Variants in SLC1A2 observed in about 807,000 individuals in gnomAD.
SLC1A2 encodes solute carrier family 1 member 2.
In SLC1A2, 15 loss-of-function variants were observed where a neutral mutation model predicts 48.8. The observed-to-expected ratio is 0.31, with a 90% CI of 0.21 to 0.47. SLC1A2 has a LOEUF of 0.47. Among genes scored for constraint, SLC1A2 ranks in the 20% least tolerant of loss-of-function variants. The probability of loss-of-function intolerance (pLI) is 0.99; values close to 1 mark genes in which losing one functional copy is unlikely to be tolerated. For synonymous variants in SLC1A2, 279 were observed against 272.6 expected (o/e 1.02, Z -0.23); for missense variants, 502 against 730.5 (o/e 0.69, Z 3.61).
chr11:35,313,616 A>T (rs193158129), intron 3 of SLC1A2, among the ~76,000 whole-genome samples: 2 of 152,262 alleles, frequency 1.3e-5, no homozygotes, highest in Admixed American at 1.3e-4. Context: ...CGTGTGACCT[A>T]CTTCTCTTTA....
In SLC1A2 at chr11:35,266,333, G is replaced by A. The variant is rs191776018; in HGVS notation, c.1422-575C>T. On this transcript the variant is annotated intron_variant, in intron 9 of 10. Coordinates refer to ENST00000278379, the MANE Select transcript of SLC1A2 (RefSeq NM_004171.4). ...CCTGCTTCCCTCACACACAGACGCA[G>A]CTGTTAGATAAGAAATCCAGCCATA... Among the ~76,000 whole-genome samples the A allele has an allele frequency of 2.5e-3, 384 of 152,234 alleles. 2 individuals carry two copies. Among genetic ancestry groups the A allele is most frequent in the African/African-American group, 8.6e-3 (359 of 41,534 alleles).
chr11:35,272,774 G>A (rs187650049), intron 9 of SLC1A2, among the ~76,000 whole-genome samples: 132 of 152,302 alleles, frequency 8.7e-4, no homozygotes, highest in African/African-American at 2.6e-3. Context: ...GCAAGAAGGG[G>A]ATGAAGATGA....
At chr11:35,285,426 A>G (rs1379347877) in intron 8 of SLC1A2, 1 of 152,244 alleles carries the variant, frequency 6.6e-6, no homozygotes, top group Non-Finnish European at 1.5e-5. Flanking sequence ...ATGGAGGATG[A>G]AAGTGTATTC....
intron 1 of SLC1A2, chr11:35,404,289 A>T (rs552616648): frequency 3.3e-5 from 5 of 152,212 alleles, no homozygotes; most frequent in Non-Finnish European, 7.3e-5. Flanking sequence ...ACATTTTTCA[A>T]TAACCCAGAA....
intron 1 of SLC1A2, among the ~76,000 whole-genome samples, chr11:35,408,090 C>A (rs1855354371): frequency 6.6e-6 from 1 of 152,162 alleles, no homozygotes; most frequent in Non-Finnish European, 1.5e-5. Flanking sequence ...ACTTACCTCG[C>A]CCCCATTTGC....
chr11:35,301,706 C>T lies in SLC1A2; in HGVS notation c.731-61G>A, dbSNP rs988387858. 21 of 1,490,420 alleles carry T rather than the reference C, an allele frequency of 1.4e-5. No individual in the cohort carries two copies. In the East Asian group the frequency reaches 4.3e-4, roughly 31 times the overall value. 92.3% of individuals were successfully genotyped at this position (1,490,420 alleles called of 1,614,324 possible). A position where few individuals can be genotyped will look rare whatever the true frequency, so the allele number is the denominator to read the frequency against. On this transcript the variant is annotated intron_variant, in intron 5 of 10. Transcript: ENST00000278379. ...TACAAAAAATGTACTTTTTCTCCCT[C>T]ATTCTTTACCATTCCCAATGTATGG...
rs1390140111 is a variant in SLC1A2, at chr11:35,256,883, T to C, written c.*4011A>G. The C allele has an allele frequency of 2.0e-5, 3 of 152,174 alleles. No individual in the cohort carries two copies. In the East Asian group the frequency reaches 5.8e-4, roughly 29 times the overall value. 9.4% of individuals were successfully genotyped at this position (152,174 alleles called of 1,614,324 possible). On this transcript the variant is annotated 3_prime_UTR_variant, in exon 11 of 11. Coordinates refer to ENST00000278379, the MANE Select transcript of SLC1A2 (RefSeq NM_004171.4). ...AGATGAGAGCTAATGAGACTTGTTT[T>C]TCAGGAGTCAGAACTATGGAGAATT...
At chr11:35,407,629 A>G (rs898248804) in intron 1 of SLC1A2, among the ~76,000 whole-genome samples, 4 of 152,352 alleles carry the variant, frequency 2.6e-5, no homozygotes, top group Middle Eastern at 3.4e-3. Flanking sequence ...CACTTTGCTG[A>G]CCCAGCTCTG....
At chr11:35,396,579 C>T (rs972064386) in intron 1 of SLC1A2, among the ~76,000 whole-genome samples, 8 of 151,168 alleles carry the variant, frequency 5.3e-5, no homozygotes, top group African/African-American at 2.0e-4. Flanking sequence ...GGATATTAGC[C>T]CTTTGTCAGA....
intron 1 of SLC1A2, among the ~76,000 whole-genome samples, chr11:35,361,171 TG>T (rs1853668630): frequency 6.6e-6 from 1 of 152,076 alleles, no homozygotes; most frequent in Non-Finnish European, 1.5e-5. Flanking sequence ...CCACCATGAC[TG>T]GCCTGCTCCT....
In SLC1A2 at chr11:35,267,955, C is replaced by A. The variant is rs554614852; in HGVS notation, c.1422-2197G>T. The stretch of plus-strand genomic sequence containing the variant: ...TAATTGTCTATTGCCCTACCAGCTT[C>A]TTTTCCCTGGCAACATGTGGATTCA... On this transcript the variant is annotated intron_variant, in intron 9 of 10. Transcript: ENST00000278379. 2.0e-5 allele frequency among the ~76,000 whole-genome samples: 3 copies of A among 152,340 alleles called. No individual in the cohort carries two copies. The East Asian group carries it at 5.8e-4, about 29-fold the overall frequency.
At chr11:35,384,946 C>A (rs1854540551) in intron 1 of SLC1A2, among the ~76,000 whole-genome samples, 1 of 152,232 alleles carries the variant, frequency 6.6e-6, no homozygotes, top group African/African-American at 2.4e-5. Flanking sequence ...AAGTAACCAT[C>A]TGCCTAAATA....
chr11:35,401,063 G>GA (rs1855124673), intron 1 of SLC1A2, among the ~76,000 whole-genome samples: 1 of 152,176 alleles, frequency 6.6e-6, no homozygotes, highest in Non-Finnish European at 1.5e-5. Context: ...GTAATTGGTT[G>GA]AAAAAGTTTA....
chr11:35,370,020 A>T (rs1291731029), intron 1 of SLC1A2, among the ~76,000 whole-genome samples: 1 of 152,194 alleles, frequency 6.6e-6, no homozygotes, highest in Non-Finnish European at 1.5e-5. Flanking sequence ...TTCAGGCAGA[A>T]CAGTGTGGGC....
intron 9 of SLC1A2, among the ~76,000 whole-genome samples, chr11:35,266,029 C>T (rs1459509697): frequency 1.3e-5 from 2 of 152,040 alleles, no homozygotes; most frequent in African/African-American, 4.8e-5. Context: ...AAATGGTAAA[C>T]ACCAATAACC....
chr11:35,389,483 T>C (rs1854694661), intron 1 of SLC1A2, among the ~76,000 whole-genome samples: 1 of 150,276 alleles, frequency 6.7e-6, no homozygotes, highest in Non-Finnish European at 1.5e-5. Context: ...TATTTTTCTT[T>C]TGGTGAGACA....
intron 1 of SLC1A2, among the ~76,000 whole-genome samples, chr11:35,417,935 C>T (rs544031868): frequency 6.6e-6 from 1 of 152,216 alleles, no homozygotes; most frequent in Non-Finnish European, 1.5e-5. Flanking sequence ...AACACCACCA[C>T]TTGAGCCCAG....
At chr11:35,323,320 G>A (rs1270941365) in intron 1 of SLC1A2, 1 of 157,452 alleles carries the variant, frequency 6.4e-6, no homozygotes, top group Non-Finnish European at 1.4e-5. Context: ...CTAAATGGGT[G>A]TGTCAGGGGA....
intron 4 of SLC1A2, among the ~76,000 whole-genome samples, chr11:35,310,540 C>T (rs1170868381): frequency 1.3e-5 from 2 of 152,218 alleles, no homozygotes; most frequent in Non-Finnish European, 2.9e-5. Context: ...CATATCCCAA[C>T]CCAGAGTAAT....
Sources: allele counts gnomAD v4.1 joint callset (sites outside exome capture counted in the v4.1 genomes callset), GRCh38; gene constraint gnomAD v4.1.1; transcripts MANE v1.5; gene names NCBI Gene and HGNC (gene_info 2026-07-23, HGNC 2026-07-21).